The following C1QTNF9 variants were observed in gnomAD, a reference collection of about 807,000 sequenced individuals.
C1QTNF9 encodes the protein C1q and TNF related 9.
Under a neutral mutation model 10.1 loss-of-function variants are expected in C1QTNF9, and 6 were observed. The ratio of observed to expected loss-of-function variants is 0.59; its 90% CI spans 0.32 to 1.17. The LOEUF (loss-of-function observed/expected upper bound fraction) is 1.17, where lower values mean the gene tolerates loss of function less well. C1QTNF9 is among the 50% of genes most tolerant of loss of function. The pLI is 0.04. For synonymous variants in C1QTNF9, 98 were observed against 163.5 expected (o/e 0.60, Z 3.06); for missense variants, 201 against 418.8 (o/e 0.48, Z 4.54).
exon 4 of C1QTNF9, chr13:24,321,898 T>TTTCCAGTTACACAG (rs1878290757): frequency 7.7e-7 from 1 of 1,306,704 alleles, no homozygotes; most frequent in Non-Finnish European, 1.0e-6. Context: ...ATGGAAAAGT[T>TTTCCAGTTACACAG]ATTCCCAAAA....
chr13:24,316,177 C>T lies in C1QTNF9; in HGVS notation c.166+8C>T, dbSNP rs574900910. On this transcript the variant is annotated splice_region_variant and intron_variant, in intron 2 of 3. Transcript: ENST00000332018. ...GTGACAAAGGCGATGCAGGTACTCA[C>T]CTGACGGCTTCGGCTGCCTTTCAAC... 6.2e-4 allele frequency: 979 copies of T among 1,573,528 alleles called. 20 individuals are homozygous for T. In the South Asian group the frequency reaches 0.011, roughly 17 times the overall value.
At chr13:24,307,470 T>C (rs1470369314), upstream of C1QTNF9, among the ~76,000 whole-genome samples, 1 of 152,216 alleles carries the variant, frequency 6.6e-6, no homozygotes, top group Non-Finnish European at 1.5e-5. Context: ...GTGGGTAGAT[T>C]AGAATTTCCT....
upstream of C1QTNF9, among the ~76,000 whole-genome samples, chr13:24,308,541 G>A (rs1038996586): frequency 6.6e-6 from 1 of 152,264 alleles, no homozygotes; most frequent in Non-Finnish European, 1.5e-5. Context: ...CATGTCCGCT[G>A]CACTGACGGG....
Position 24,312,480 on chromosome 13 carries a change from A to T in C1QTNF9, c.-23+2864A>T, listed in dbSNP as rs539862356. On this transcript the variant is annotated intron_variant, in intron 1 of 3. Transcript: ENST00000332018. ...AATTAAAAGTCAAGAGTGTAACTGT[A>T]GTTGAACTAATGAAACTGAGGGTCC... Among the ~76,000 whole-genome samples the T allele has an allele frequency of 1.4e-4, 22 of 152,326 alleles. No homozygotes were observed. In the South Asian group the frequency reaches 3.5e-3, roughly 24 times the overall value.
upstream of C1QTNF9, among the ~76,000 whole-genome samples, chr13:24,309,306 T>TATATATATATATATA (rs963863876): frequency 4.9e-4 from 66 of 134,064 alleles, 2 homozygotes; most frequent in African/African-American, 1.9e-3. Flanking sequence ...TATATATATA[T>TATATATATATATATA]ATGAAAGAAA....
intron 1 of C1QTNF9, among the ~76,000 whole-genome samples, chr13:24,315,267 G>A (rs1188438526): frequency 6.6e-6 from 1 of 151,974 alleles, no homozygotes; most frequent in East Asian, 1.9e-4. Flanking sequence ...TGAGTTTGAC[G>A]GCTCTAGGAA....
intron 1 of C1QTNF9, among the ~76,000 whole-genome samples, chr13:24,313,513 C>T (rs980375020): frequency 2.6e-4 from 39 of 152,246 alleles, no homozygotes; most frequent in African/African-American, 9.1e-4. Context: ...AAAGGAGGCT[C>T]GTGTATATTC....
intron 2 of C1QTNF9, among the ~76,000 whole-genome samples, chr13:24,316,577 C>T (rs1228607815): frequency 6.6e-6 from 1 of 152,252 alleles, no homozygotes; most frequent in African/African-American, 2.4e-5. Flanking sequence ...TATTTGGCAG[C>T]AAGCACCCAG....
At chr13:24,314,962 AAC>A (rs1343273704) in intron 1 of C1QTNF9, among the ~76,000 whole-genome samples, 1 of 151,834 alleles carries the variant, frequency 6.6e-6, no homozygotes, top group Admixed American at 6.6e-5. Context: ...TGACTCAAAG[AAC>A]ACCTCTCACT....
upstream of C1QTNF9, among the ~76,000 whole-genome samples, chr13:24,307,681 C>T (rs193282091): frequency 6.6e-6 from 1 of 152,304 alleles, no homozygotes; most frequent in Admixed American, 6.5e-5. Context: ...GGGGAGGGGG[C>T]GAGCCCCAGA....
At chr13:24,313,180 A>G (rs1877901503) in intron 1 of C1QTNF9, among the ~76,000 whole-genome samples, 1 of 152,208 alleles carries the variant, frequency 6.6e-6, no homozygotes, top group Non-Finnish European at 1.5e-5. Context: ...GGGAGAACGC[A>G]TATTAGTTAA....
intron 1 of C1QTNF9, 133 bp from the exon 2 acceptor site, chr13:24,315,849 C>G (rs1218806897): frequency 1.1e-6 from 1 of 924,966 alleles, no homozygotes; most frequent in East Asian, 2.6e-5. Context: ...CCTGAGCCTT[C>G]TGTCCAAGTT....
At chr13:24,318,926 A>G (rs1593535993) in intron 3 of C1QTNF9, 46 bp downstream of exon 3, 3 of 1,603,720 alleles carry the variant, frequency 1.9e-6, no homozygotes, top group East Asian at 2.2e-5. Flanking sequence ...GCTGTCGACT[A>G]TTTAACAATA....
At chr13:24,308,068 T>A (rs1186228218), upstream of C1QTNF9, among the ~76,000 whole-genome samples, 6 of 152,282 alleles carry the variant, frequency 3.9e-5, no homozygotes, top group South Asian at 1.2e-3. Flanking sequence ...TCTGGAAGCC[T>A]CTCCGCGTGG....
chr13:24,317,081 C>G (rs1878067389), intron 2 of C1QTNF9, among the ~76,000 whole-genome samples: 1 of 152,166 alleles, frequency 6.6e-6, no homozygotes, highest in Non-Finnish European at 1.5e-5. Context: ...AAGCAACATT[C>G]TTTCTAACCA....
At chr13:24,317,349 A>C (rs558006249) in intron 2 of C1QTNF9, among the ~76,000 whole-genome samples, 2 of 152,266 alleles carry the variant, frequency 1.3e-5, no homozygotes, top group Middle Eastern at 6.8e-3. Flanking sequence ...AAAAGGAGAT[A>C]AATAGGTGAT....
At chr13:24,315,241 C>A (rs921223105) in intron 1 of C1QTNF9, among the ~76,000 whole-genome samples, 1 of 152,182 alleles carries the variant, frequency 6.6e-6, no homozygotes, top group Admixed American at 6.5e-5. Context: ...AACCTCCATC[C>A]TACTTTTTCT....
At position 24,320,378 on chromosome 13, in the gene C1QTNF9, AT is replaced by A. The variant is rs200753832; in HGVS notation, c.230-614del. Among the ~76,000 whole-genome samples, 710 of 151,968 alleles carry A rather than the reference AT, an allele frequency of 4.7e-3. 3 individuals are homozygous for A. Among genetic ancestry groups the A allele is most frequent in the African/African-American group, 0.016 (663 of 41,444 alleles). On this transcript the variant is annotated intron_variant, in intron 3 of 3. Transcript: ENST00000332018. ...CACACGTGTGTAATTGGAGTAATTG[AT>A]TTTCATTTATTTTTATTTTTTTTGA...
intron 1 of C1QTNF9, among the ~76,000 whole-genome samples, chr13:24,312,695 A>G (rs565201904): frequency 8.3e-4 from 126 of 152,230 alleles, no homozygotes; most frequent in African/African-American, 2.6e-3. Context: ...AGTGACTCAC[A>G]CCTGTAATCC....
Sources: gnomAD v4.1 joint callset for allele counts (sites outside exome capture counted in the v4.1 genomes callset) on GRCh38, gnomAD v4.1.1 for gene constraint, MANE v1.5 for transcripts, NCBI Gene and HGNC (gene_info 2026-07-23, HGNC 2026-07-21) for gene names.